Variants in NEUROD1 observed in about 807,000 individuals in gnomAD.
The protein encoded by NEUROD1 is neurogenic differentiation factor 1.
In NEUROD1, 9 loss-of-function variants were observed where a neutral mutation model predicts 21.8. The ratio of observed to expected loss-of-function variants is 0.41; its 90% CI spans 0.25 to 0.72. The LOEUF (loss-of-function observed/expected upper bound fraction) is 0.72. Ranked by LOEUF, NEUROD1 falls within the 30% of genes least tolerant of loss-of-function variation. The probability of loss-of-function intolerance (pLI) is 0.31; values close to 1 mark genes in which losing one functional copy is unlikely to be tolerated. For synonymous variants in NEUROD1, 199 were observed against 186.2 expected (o/e 1.07, Z -0.56); for missense variants, 434 against 468.8 (o/e 0.93, Z 0.69).
rs1421818295 is a variant in NEUROD1, at chr2:181,678,754, G to T, written c.107C>A (p.Ala36Glu). ...CLSSQDEEHE[A>E]DKKEDDLETM... ...TTCGAGGTCGTCCTCCTTCTTGTCT[G>T]CCTCGTGCTCCTCGTCCTGAGAACT... Residue 36 changes from alanine (A) to glutamate (E), a missense_variant, in exon 2 of 2, where the codon GCA becomes GAA. Coordinates refer to ENST00000295108, the MANE Select transcript of NEUROD1 (RefSeq NM_002500.5). The surrounding 1 kb of genome is among the most constrained non-coding windows in gnomAD (Gnocchi z 5.5). 6.2e-7 allele frequency: 1 copy of T among 1,612,918 alleles called. No individual in the cohort carries two copies. The highest frequency in any genetic ancestry group is 8.5e-7 in the Non-Finnish European group (1 of 1,179,278).
chr2:181,680,326 C>T (rs1368744402), intron 1 of NEUROD1, 104 bp downstream of exon 1: 1 of 152,226 alleles, frequency 6.6e-6, no homozygotes, highest in Non-Finnish European at 1.5e-5. Context: ...GGTCTCAATA[C>T]ACATACACAC....
In NEUROD1 at chr2:181,676,932, G is replaced by T. The variant is rs192543991; in HGVS notation, c.*858C>A. On this transcript the variant is annotated 3_prime_UTR_variant, in exon 2 of 2. Transcript: ENST00000295108. ...CAAGCAGCTTTTGATTTAAAGAAGG[G>T]TATGTTGGCATTTATTTATAATATG... 7 of 152,568 alleles carry T rather than the reference G, an allele frequency of 4.6e-5. No individual in the cohort carries two copies. Among genetic ancestry groups the T allele is most frequent in the Non-Finnish European group, 7.4e-5 (5 of 67,960 alleles). The allele number at this position is 152,568 out of a possible 1,614,324, so 9.5% of individuals were successfully genotyped here. A position where few individuals can be genotyped will look rare whatever the true frequency, so the allele number is the denominator to read the frequency against.
chr2:181,678,093 G>C lies in NEUROD1; in HGVS notation c.768C>G (p.Phe256Leu). ...PHAYSAALEP[F>L]FESPLTDCTS... ...TGCAATCAGTCAGAGGGCTTTCAAA[G>C]AAGGGCTCCAGCGCTGCGCTGTAGG... Residue 256 changes from phenylalanine to leucine, a missense_variant, in exon 2 of 2, where the codon TTC (phenylalanine) becomes TTG (leucine). Transcript: ENST00000295108. This position sits in a 1 kb window ranked among gnomAD's most constrained non-coding sequence, Gnocchi z 5.5. 1 of 1,614,252 alleles carries C rather than the reference G, an allele frequency of 6.2e-7. No individual in the cohort carries two copies. Among genetic ancestry groups the C allele is most frequent in the Non-Finnish European group, 8.5e-7 (1 of 1,180,054 alleles).
At chr2:181,673,565 A>G (rs936722978), downstream of NEUROD1, 6 of 152,198 alleles carry the variant, frequency 3.9e-5, no homozygotes, top group African/African-American at 1.4e-4. Flanking sequence ...TAAATATTTT[A>G]TTTAGATGAT....
At position 181,678,765 on chromosome 2, in the gene NEUROD1, C is replaced by T; in HGVS notation, c.96G>A (p.Glu32=). 6.2e-7 allele frequency: 1 copy of T among 1,613,214 alleles called. No individual in the cohort carries two copies. Among genetic ancestry groups the T allele is most frequent in the Non-Finnish European group, 8.5e-7 (1 of 1,179,438 alleles). ...CCTCCTTCTTGTCTGCCTCGTGCTC[C>T]TCGTCCTGAGAACTGAGACACTCGT... ...WTDECLSSQD[E]EHEADKKEDD... The change falls in exon 2 of 2, where the codon GAG becomes GAA. Residue 32 remains glutamate, a synonymous_variant. Transcript: ENST00000295108. This position sits in a 1 kb window ranked among gnomAD's most constrained non-coding sequence, Gnocchi z 5.5.
intron 1 of NEUROD1, among the ~76,000 whole-genome samples, chr2:181,679,620 G>A (rs955960504): frequency 5.9e-5 from 9 of 152,332 alleles, no homozygotes; most frequent in Admixed American, 1.3e-4. Context: ...GGCGCAGAGC[G>A]CTCTCCCACG....
Position 181,677,850 on chromosome 2 carries a change from A to G in NEUROD1, c.1011T>C (p.Asp337=). 1 of 1,614,212 alleles carries G rather than the reference A, an allele frequency of 6.2e-7. No homozygotes were observed. Among genetic ancestry groups the G allele is most frequent in the Non-Finnish European group, 8.5e-7 (1 of 1,180,038 alleles). Reference sequence around the variant, plus strand: ...TGACTCGCTCATGATGTGAATGGCTATCGAAGGACATAATATTGTCTATGG... The same window carrying G: ...TGACTCGCTCATGATGTGAATGGCTGTCGAAGGACATAATATTGTCTATGG... ...EIPIDNIMSF[D]SHSHHERVMS... The change falls in exon 2 of 2, where the codon GAT becomes GAC. Residue 337 remains aspartate (D), a synonymous_variant. Transcript: ENST00000295108.
chr2:181,680,166 G>T (rs1476444009), intron 1 of NEUROD1, among the ~76,000 whole-genome samples: 4 of 152,054 alleles, frequency 2.6e-5, no homozygotes, highest in Non-Finnish European at 5.9e-5. Flanking sequence ...TAGTTACCGT[G>T]CATTCTTTTA....
At chr2:181,674,939 G>A (rs184681788), downstream of NEUROD1, among the ~76,000 whole-genome samples, 2 of 152,246 alleles carry the variant, frequency 1.3e-5, no homozygotes, top group Admixed American at 6.5e-5. Flanking sequence ...CTTCACTACA[G>A]CAACAGATTT....
chr2:181,669,522 A>G (rs1359194707), downstream of NEUROD1, among the ~76,000 whole-genome samples: 1 of 152,170 alleles, frequency 6.6e-6, no homozygotes, highest in African/African-American at 2.4e-5. Flanking sequence ...TTTCTTACAT[A>G]AAAAGGATGT....
chr2:181,674,749 T>C (rs1688542303), downstream of NEUROD1, among the ~76,000 whole-genome samples: 1 of 151,920 alleles, frequency 6.6e-6, no homozygotes, highest in Non-Finnish European at 1.5e-5. Flanking sequence ...AGTTACTCCT[T>C]GACTGACTGA....
In NEUROD1 at chr2:181,678,498, T is replaced by C. The variant is rs746977592; in HGVS notation, c.363A>G (p.Leu121=). 1 of 1,614,228 alleles carries C rather than the reference T, an allele frequency of 6.2e-7. No individual in the cohort carries two copies. Among genetic ancestry groups the C allele is most frequent in the Non-Finnish European group, 8.5e-7 (1 of 1,180,042 alleles). The change falls in exon 2 of 2, where the codon CTA becomes CTG. Residue 121 remains leucine (L), a synonymous_variant. Transcript: ENST00000295108. This position sits in a 1 kb window ranked among gnomAD's most constrained non-coding sequence, Gnocchi z 5.5. Reference sequence around the variant, plus strand: ...AAGGCACCACCTTGCGCAGGTTGTCTAGCGCCGCGTTCAGTCCGTGCATGC... The same window carrying C: ...AAGGCACCACCTTGCGCAGGTTGTCCAGCGCCGCGTTCAGTCCGTGCATGC... ...RNRMHGLNAA[L]DNLRKVVPCY...
At chr2:181,671,653 A>G (rs1688501381), downstream of NEUROD1, among the ~76,000 whole-genome samples, 1 of 151,298 alleles carries the variant, frequency 6.6e-6, no homozygotes, top group Non-Finnish European at 1.5e-5. Flanking sequence ...CTGGTCTTGA[A>G]CTCCTAGGCT....
In NEUROD1 at chr2:181,677,953, T is replaced by C. The variant is rs886055327; in HGVS notation, c.908A>G (p.Tyr303Cys). 7.4e-6 allele frequency: 12 copies of C among 1,614,194 alleles called. No homozygotes were observed. Among genetic ancestry groups the C allele is most frequent in the Non-Finnish European group, 1.0e-5 (12 of 1,180,022 alleles). The change falls in exon 2 of 2, where the codon TAT (tyrosine) becomes TGT (cysteine). Residue 303 changes from tyrosine to cysteine, a missense_variant. Transcript: ENST00000295108. ...FEKNYAFTMH[Y>C]PAATLAGAQS... ...GGCCCCTGCCAGTGTCGCTGCAGGA[T>C]AGTGCATGGTAAAGGCATAATTTTT...
chr2:181,668,296 C>T (rs1054049135), downstream of NEUROD1, among the ~76,000 whole-genome samples: 7 of 152,012 alleles, frequency 4.6e-5, no homozygotes, highest in Non-Finnish European at 8.8e-5. Context: ...TGCCTTCTAG[C>T]CACACTCTTG....
Position 181,677,802 on chromosome 2 carries a change from T to G in NEUROD1, c.1059A>C (p.Ile353=), listed in dbSNP as rs1688608317. The G allele has an allele frequency of 6.2e-7, 1 of 1,614,084 alleles. No homozygotes were observed. The highest frequency in any genetic ancestry group is 8.5e-7 in the Non-Finnish European group (1 of 1,180,008). ...AACTGGCGTGCCTCTAATCATGAAA[T>G]ATGGCATTGAGCTGGGCACTCATGA... ...ERVMSAQLNA[I]FHD Residue 353 remains isoleucine, a synonymous_variant, in exon 2 of 2, where the codon ATA becomes ATC. Coordinates refer to ENST00000295108, the MANE Select transcript of NEUROD1 (RefSeq NM_002500.5).
At chr2:181,674,000 T>A (rs1350189535), downstream of NEUROD1, among the ~76,000 whole-genome samples, 1 of 152,126 alleles carries the variant, frequency 6.6e-6, no homozygotes, top group African/African-American at 2.4e-5. Flanking sequence ...TTTTAATTTA[T>A]ATATAATTGT....
At chr2:181,672,777 A>G (rs1688515549), downstream of NEUROD1, among the ~76,000 whole-genome samples, 2 of 152,256 alleles carry the variant, frequency 1.3e-5, no homozygotes. Context: ...TAAATAAGGC[A>G]GGAGGGTGCT....
At chr2:181,673,547 C>T (rs1299696265), downstream of NEUROD1, 2 of 152,018 alleles carry the variant, frequency 1.3e-5, no homozygotes, top group South Asian at 2.1e-4. Context: ...TTCATCAGAC[C>T]CTGGAATTAA....
Sources: allele counts gnomAD v4.1 joint callset (sites outside exome capture counted in the v4.1 genomes callset), GRCh38; gene constraint gnomAD v4.1.1; non-coding constraint Gnocchi (gnomAD v3.1); transcripts MANE v1.5; gene names NCBI Gene and HGNC (gene_info 2026-07-23, HGNC 2026-07-21).